Variants in REG1A observed in about 807,000 individuals in gnomAD.
REG1A encodes regenerating family member 1 alpha, also known as lithostathine-1-alpha.
In REG1A, 20 loss-of-function variants were observed where a neutral mutation model predicts 20.7. The ratio of observed to expected loss-of-function variants is 0.97; its 90% CI spans 0.68 to 1.41. The LOEUF (loss-of-function observed/expected upper bound fraction) is 1.41, where lower values mean the gene tolerates loss of function less well. Among genes scored for constraint, REG1A ranks in the 40% most tolerant of loss-of-function variants. The pLI is 0.00. For missense variants in REG1A, 193 were observed against 201.8 expected, an observed-to-expected ratio of 0.96 and a Z score of 0.26; for synonymous variants, 90 against 71.6, an observed-to-expected ratio of 1.26 and a Z score of -1.30.
Position 79,122,907 on chromosome 2 carries a change from A to G in REG1A, c.388A>G (p.Ser130Gly), listed in dbSNP as rs149418512. The change falls in exon 5 of 6, where the codon AGC becomes GGC. Residue 130 changes from serine to glycine, a missense_variant. Transcript: ENST00000233735. ...SYKSWGIGAPSSVNPGYCVSL... is the reference protein window; with the variant it reads ...SYKSWGIGAPGSVNPGYCVSL... ...CAAGTCCTGGGGCATTGGAGCCCCA[A>G]GCAGTGTTAATCCTGGCTACTGTGT... 34 of 1,613,970 alleles carry G rather than the reference A, an allele frequency of 2.1e-5. No homozygotes were observed. The highest frequency in any genetic ancestry group is 1.6e-4 in the African/African-American group (12 of 74,930).
chr2:79,123,079 G>C (rs955807578), intron 5 of REG1A, 69 bp from the exon 6 acceptor site: 12 of 1,466,814 alleles, frequency 8.2e-6, no homozygotes, highest in Non-Finnish European at 9.5e-6. Context: ...TTTTTGTCCT[G>C]AGTCCTAAAG....
intron 1 of REG1A, 76 bp from the exon 2 acceptor site, chr2:79,120,740 A>C (rs1672870551): frequency 3.2e-6 from 2 of 630,620 alleles, no homozygotes; most frequent in South Asian, 3.6e-5. Context: ...AGAAATTCTG[A>C]GAGGAGGTTT....
At chr2:79,120,961 C>T (rs778977229) in intron 2 of REG1A, 36 bp downstream of exon 2, 13 of 1,560,836 alleles carry the variant, frequency 8.3e-6, no homozygotes, top group Non-Finnish European at 7.0e-6. Context: ...CTCTTTCTAG[C>T]CCTGAAGACT....
At position 79,122,879 on chromosome 2, in the gene REG1A, C is replaced by T. The variant is rs373247851; in HGVS notation, c.360C>T (p.Ser120=). 2 of 1,613,844 alleles carry T rather than the reference C, an allele frequency of 1.2e-6. No homozygotes were observed. Among genetic ancestry groups the T allele is most frequent in the African/African-American group, 1.3e-5 (1 of 75,036 alleles). The change falls in exon 5 of 6, where the codon TCC becomes TCT. Residue 120 remains serine (S), a synonymous_variant. Transcript: ENST00000233735. ...ACTGGAGCAGTGGGTCCCTGGTCTCCTACAAGTCCTGGGGCATTGGAGCCC... is the reference window on the plus strand; with the variant it reads ...ACTGGAGCAGTGGGTCCCTGGTCTCTTACAAGTCCTGGGGCATTGGAGCCC... ...RWHWSSGSLV[S]YKSWGIGAPS...
At chr2:79,122,731 G>A in intron 4 of REG1A, 110 bp from the exon 5 acceptor site, 3 of 763,702 alleles carry the variant, frequency 3.9e-6, no homozygotes, top group East Asian at 2.5e-5. Context: ...TATTTAGCAA[G>A]GTTTATTCTT....
chr2:79,121,873 AGCAT>A (rs1190893128), intron 3 of REG1A, 111 bp from the exon 4 acceptor site: 1 of 1,447,132 alleles, frequency 6.9e-7, no homozygotes, highest in African/African-American at 1.4e-5. Flanking sequence ...GGTCAGTGAC[AGCAT>A]CATCACGGAC....
rs747024622 is a variant in REG1A at position 79,120,872 on chromosome 2, C to G, written c.11C>G (p.Thr4Ser). The change falls in exon 2 of 6, where the codon ACC becomes AGC. Residue 4 changes from threonine (T) to serine (S), a missense_variant. Physicochemically the swap from Thr to Ser is moderately conservative, Grantham distance 58. Coordinates refer to ENST00000233735, the MANE Select transcript of REG1A (RefSeq NM_002909.5). Reference protein sequence around the residue: MAQTSSYFMLISCL... With the variant: MAQSSSYFMLISCL... ...TCATTGCAGCTCAGCATGGCTCAGA[C>G]CAGCTCATACTTCATGCTGATCTCC... The G allele has an allele frequency of 1.9e-5, 30 of 1,612,762 alleles. 1 individual carries two copies. In the South Asian group the frequency reaches 2.7e-4, roughly 15 times the overall value.
At position 79,122,895 on chromosome 2, in the gene REG1A, A is replaced by G; in HGVS notation, c.376A>G (p.Ile126Val). The change falls in exon 5 of 6, where the codon ATT becomes GTT. Residue 126 changes from isoleucine (I) to valine (V), a missense_variant. Ile to Val is a conservative substitution (Grantham distance 29). Coordinates refer to ENST00000233735, the MANE Select transcript of REG1A (RefSeq NM_002909.5). Reference protein sequence around the residue: ...GSLVSYKSWGIGAPSSVNPGY... With the variant: ...GSLVSYKSWGVGAPSSVNPGY... The stretch of plus-strand genomic sequence containing the variant: ...CCTGGTCTCCTACAAGTCCTGGGGC[A>G]TTGGAGCCCCAAGCAGTGTTAATCC... 1.2e-6 allele frequency: 2 copies of G among 1,613,986 alleles called. No homozygotes were observed. The highest frequency in any genetic ancestry group is 1.7e-6 in the Non-Finnish European group (2 of 1,179,976).
At chr2:79,122,757 A>C (rs367565408) in intron 4 of REG1A, 84 bp from the exon 5 acceptor site, 4 of 872,846 alleles carry the variant, frequency 4.6e-6, no homozygotes, top group African/African-American at 1.7e-5. Context: ...GTGTCTTAGC[A>C]TGTTTCTGAG....
At chr2:79,122,149 C>T (rs756539637) in intron 4 of REG1A, 24 bp downstream of exon 4, 2 of 1,612,208 alleles carry the variant, frequency 1.2e-6, no homozygotes, top group Non-Finnish European at 1.7e-6. Flanking sequence ...TTCTTTATCT[C>T]CTAATGATCA....
At chr2:79,123,085 T>C in intron 5 of REG1A, 63 bp from the exon 6 acceptor site, 1 of 1,489,912 alleles carries the variant, frequency 6.7e-7, no homozygotes, top group East Asian at 2.3e-5. Context: ...TCCTGAGTCC[T>C]AAAGCCAGGA....
Position 79,123,165 on chromosome 2 carries a change from G to T in REG1A, c.451G>T (p.Asp151Tyr). ...ACTTATAGGATTCCAGAAATGGAAG[G>T]ATGTGCCTTGTGAAGACAAGTTCTC... is the stretch of plus-strand genomic sequence containing the variant. ...TSSTGFQKWKDVPCEDKFSFV... is the reference protein window; with the variant it reads ...TSSTGFQKWKYVPCEDKFSFV... Residue 151 changes from aspartate to tyrosine, a missense_variant, in exon 6 of 6, where the codon GAT becomes TAT. Physicochemically the swap from Asp to Tyr is radical, Grantham distance 160. Coordinates refer to ENST00000233735, the MANE Select transcript of REG1A (RefSeq NM_002909.5). 6 of 1,612,614 alleles carry T rather than the reference G, an allele frequency of 3.7e-6. No homozygotes were observed. Among genetic ancestry groups the T allele is most frequent in the Non-Finnish European group, 5.1e-6 (6 of 1,179,158 alleles).
chr2:79,121,861 G>A, intron 3 of REG1A, 127 bp from the exon 4 acceptor site: 2 of 1,411,450 alleles, frequency 1.4e-6, no homozygotes, highest in Middle Eastern at 1.8e-4. Context: ...AAAGAACCTG[G>A]TGGTCAGTGA....
Position 79,123,267 on chromosome 2 carries a change from C to A in REG1A, c.*52C>A. 2 of 1,223,322 alleles carry A rather than the reference C, an allele frequency of 1.6e-6. No homozygotes were observed. Among genetic ancestry groups the A allele is most frequent in the African/African-American group, 1.5e-5 (1 of 66,596 alleles). The allele number at this position is 1,223,322 out of a possible 1,614,324, so 75.8% of individuals were successfully genotyped here. ...ACTGATCCAGCAATTACAACGGAGT[C>A]AAAAATTAAACCGGACCATCTCTCC... On this transcript the variant is annotated 3_prime_UTR_variant, in exon 6 of 6. Coordinates refer to ENST00000233735, the MANE Select transcript of REG1A (RefSeq NM_002909.5).
At chr2:79,122,155 G>C (rs1390851220) in intron 4 of REG1A, 30 bp downstream of exon 4, 2 of 1,610,752 alleles carry the variant, frequency 1.2e-6, no homozygotes, top group Non-Finnish European at 1.7e-6. Flanking sequence ...ATCTCCTAAT[G>C]ATCAGGTTTG....
In REG1A at chr2:79,122,038, G is replaced by A; in HGVS notation, c.234G>A (p.Gln78=). ...GCAACCTGGTGTCTGTGCTCACCCAGGCCGAGGGTGCCTTTGTGGCCTCAC... is the reference window on the plus strand; with the variant it reads ...GCAACCTGGTGTCTGTGCTCACCCAAGCCGAGGGTGCCTTTGTGGCCTCAC... ...NSGNLVSVLT[Q]AEGAFVASLI... is the part of the protein sequence containing the mutation. Residue 78 remains glutamine (Q), a synonymous_variant, in exon 4 of 6, where the codon CAG becomes CAA. Coordinates refer to ENST00000233735, the MANE Select transcript of REG1A (RefSeq NM_002909.5). 6.2e-7 allele frequency: 1 copy of A among 1,614,080 alleles called. No individual in the cohort carries two copies. Among genetic ancestry groups the A allele is most frequent in the African/African-American group, 1.3e-5 (1 of 75,014 alleles).
rs1238246975 is a variant in REG1A at position 79,121,685 on chromosome 2, G to A, written c.183+5G>A. On this transcript the variant is annotated splice_donor_5th_base_variant and intron_variant, in intron 3 of 5. Transcript: ENST00000233735. ...GAGACCTGGGTTGATGCAGATGTGAGTGAGGAGAGCAGTGTGGGAAGGGAG... is the reference window on the plus strand; with the variant it reads ...GAGACCTGGGTTGATGCAGATGTGAATGAGGAGAGCAGTGTGGGAAGGGAG... The A allele has an allele frequency of 6.2e-7, 1 of 1,612,448 alleles. No individual in the cohort carries two copies. The highest frequency in any genetic ancestry group is 1.3e-5 in the African/African-American group (1 of 74,888).
At position 79,120,830 on chromosome 2, in the gene REG1A, C is replaced by T. The variant is rs755833432; in HGVS notation, c.-32C>T. ...TTCTCCTATAGAGATTGTTGATTTG[C>T]CTCTTAAGCAAGAGATTCATTGCAG... On this transcript the variant is annotated 5_prime_UTR_variant, in exon 2 of 6. Transcript: ENST00000233735. 2.6e-6 allele frequency: 4 copies of T among 1,567,756 alleles called. No homozygotes were observed. The highest frequency in any genetic ancestry group is 3.5e-6 in the Non-Finnish European group (4 of 1,146,128).
chr2:79,122,547 T>G (rs1026501566), intron 4 of REG1A, among the ~76,000 whole-genome samples: 2 of 152,120 alleles, frequency 1.3e-5, no homozygotes, highest in Admixed American at 1.3e-4. Context: ...CAGCCAATGC[T>G]ATGCTGGATA....
Sources: gnomAD v4.1 joint callset for allele counts (sites outside exome capture counted in the v4.1 genomes callset) on GRCh38, gnomAD v4.1.1 for gene constraint, MANE v1.5 for transcripts, NCBI Gene and HGNC (gene_info 2026-07-23, HGNC 2026-07-21) for gene names.